DIAPH3: variants seen among roughly 807,000 people sequenced by gnomAD.
The protein encoded by DIAPH3 is diaphanous related formin 3.
Under a neutral mutation model 144.3 loss-of-function variants are expected in DIAPH3, and 117 were observed. That is an observed-to-expected ratio of 0.81 (90% CI 0.70 to 0.95). The LOEUF is 0.95. DIAPH3 is among the 40% of genes least tolerant of loss of function. The pLI is 0.00. For missense variants in DIAPH3, 1,421 were observed against 1,412.7 expected (o/e 1.01, Z -0.09); for synonymous variants, 519 against 488.9 (o/e 1.06, Z -0.81).
chr13:59,834,813 T>C (rs1593603246), intron 23 of DIAPH3, among the ~76,000 whole-genome samples: 1 of 151,726 alleles, frequency 6.6e-6, no homozygotes, highest in South Asian at 2.1e-4. Flanking sequence ...ATAAGCCCAA[T>C]TACTTGATGT....
intron 7 of DIAPH3, 136 bp from the exon 8 acceptor site, chr13:60,010,805 A>G: frequency 1.2e-6 from 1 of 869,328 alleles, no homozygotes; most frequent in African/African-American, 1.7e-5. Flanking sequence ...TAGACTGTGT[A>G]ACACTCTAAA....
chr13:60,123,420 T>C (rs911758460), intron 2 of DIAPH3, among the ~76,000 whole-genome samples: 4 of 152,212 alleles, frequency 2.6e-5, no homozygotes, highest in African/African-American at 9.6e-5. Context: ...CATATTAGTA[T>C]ATTCAACTCT....
intron 9 of DIAPH3, among the ~76,000 whole-genome samples, chr13:59,994,878 T>C (rs1053124752): frequency 6.6e-6 from 1 of 151,734 alleles, no homozygotes; most frequent in African/African-American, 2.4e-5. Context: ...CAACCAGAAA[T>C]AGTGAAAATC....
intron 2 of DIAPH3, among the ~76,000 whole-genome samples, chr13:60,121,136 T>C (rs2058834109): frequency 6.6e-6 from 1 of 152,180 alleles, no homozygotes. Context: ...TATTTTGAAA[T>C]GTCTTCAGTA....
intron 27 of DIAPH3, among the ~76,000 whole-genome samples, chr13:59,677,344 A>T (rs1260800121): frequency 2.0e-5 from 3 of 152,118 alleles, no homozygotes; most frequent in Admixed American, 6.5e-5. Flanking sequence ...GGTACTGTCC[A>T]ATAGAAATTT....
chr13:59,958,207 TAAC>T (rs2049519185), intron 17 of DIAPH3, among the ~76,000 whole-genome samples: 1 of 152,214 alleles, frequency 6.6e-6, no homozygotes, highest in South Asian at 2.1e-4. Flanking sequence ...GCAATTATAA[TAAC>T]ATATATTTTC....
At chr13:59,812,054 A>T (rs1207526611) in intron 24 of DIAPH3, among the ~76,000 whole-genome samples, 3 of 152,178 alleles carry the variant, frequency 2.0e-5, no homozygotes, top group African/African-American at 7.2e-5. Context: ...TGTGTAATTA[A>T]ACTATAACAA....
In DIAPH3 at chr13:59,992,563, G is replaced by C; in HGVS notation, c.1035C>G (p.Ile345Met). The C allele has an allele frequency of 6.2e-7, 1 of 1,611,942 alleles. No homozygotes were observed. Among genetic ancestry groups the C allele is most frequent in the Non-Finnish European group, 8.5e-7 (1 of 1,178,968 alleles). ...CATCAGGAGATGTAACCAGGGCATT[G>C]ATGAGCTGCATACAAGCTACCTACA... ...VQLQVACMQL[I>M]NALVTSPDDL... The change falls in exon 10 of 28, where the codon ATC becomes ATG. Residue 345 changes from isoleucine to methionine, a missense_variant. Coordinates refer to ENST00000400324, the MANE Select transcript of DIAPH3 (RefSeq NM_001042517.2).
At chr13:60,038,835 C>G (rs1594461296) in intron 5 of DIAPH3, among the ~76,000 whole-genome samples, 1 of 151,404 alleles carries the variant, frequency 6.6e-6, no homozygotes, top group East Asian at 1.9e-4. Flanking sequence ...CCTTCTATCA[C>G]TAATTTGCTA....
At position 59,688,442 on chromosome 13, in the gene DIAPH3, C is replaced by T. The variant is rs375342113; in HGVS notation, c.3320-21596G>A. On this transcript the variant is annotated intron_variant, in intron 27 of 27. Transcript: ENST00000400324. ...AAGTGGATCAATTGAACATTTCAAC[C>T]TCACAAGTAAGTCCAAACATAAATG... Among the ~76,000 whole-genome samples, 9 of 151,746 alleles carry T rather than the reference C, an allele frequency of 5.9e-5. No individual in the cohort carries two copies. In the South Asian group the frequency reaches 1.9e-3, roughly 32 times the overall value.
At position 60,020,240 on chromosome 13, in the gene DIAPH3, G is replaced by C. The variant is rs11842241; in HGVS notation, c.627-4095C>G. ...TTTAGGTCTGCTGATAACCAGGCTT[G>C]TGGCCTTTATATATGCAGAAATAAA... On this transcript the variant is annotated intron_variant, in intron 5 of 27. Transcript: ENST00000400324. Among the ~76,000 whole-genome samples the C allele has an allele frequency of 8.8e-3, 1,334 of 152,270 alleles. 16 individuals carry two copies. Among genetic ancestry groups the C allele is most frequent in the African/African-American group, 0.03 (1,263 of 41,536 alleles).
intron 1 of DIAPH3, among the ~76,000 whole-genome samples, chr13:60,161,354 A>G (rs1952280203): frequency 6.6e-6 from 1 of 152,216 alleles, no homozygotes; most frequent in Non-Finnish European, 1.5e-5. Context: ...TGATGGTCTC[A>G]AAGATCCCTC....
At chr13:59,914,271 T>A (rs2047126300) in intron 19 of DIAPH3, among the ~76,000 whole-genome samples, 1 of 152,200 alleles carries the variant, frequency 6.6e-6, no homozygotes, top group South Asian at 2.1e-4. Context: ...AAATAGGAAT[T>A]CTTCGCATTA....
chr13:59,905,782 T>G (rs1180786534), intron 20 of DIAPH3, among the ~76,000 whole-genome samples: 1 of 152,126 alleles, frequency 6.6e-6, no homozygotes, highest in Non-Finnish European at 1.5e-5. Context: ...GTCAGAGCAA[T>G]GCTGAACCAT....
chr13:59,726,993 T>C (rs985193276), intron 27 of DIAPH3, among the ~76,000 whole-genome samples: 1 of 152,192 alleles, frequency 6.6e-6, no homozygotes, highest in Non-Finnish European at 1.5e-5. Flanking sequence ...TTTATAGATA[T>C]TAAAAAACTT....
chr13:59,779,934 G>A (rs550501709), intron 25 of DIAPH3, among the ~76,000 whole-genome samples: 2 of 152,286 alleles, frequency 1.3e-5, no homozygotes, highest in African/African-American at 4.8e-5. Context: ...GTAAGATGGG[G>A]ACATATAAAG....
Position 59,839,324 on chromosome 13 carries a change from G to A in DIAPH3, c.2862C>T (p.Ser954=), listed in dbSNP as rs2042212309. The change falls in exon 23 of 28, where the codon TCC becomes TCT. Residue 954 remains serine (S), a splice_region_variant and synonymous_variant. Transcript: ENST00000400324. ...DLHDKFVTKM[S]RFVISAKEQY... Reference sequence around the variant, plus strand: ...AGTTATTTAGCTATCAAAAGGATATGGACATCTTTGTCACAAACTTGTCAT... The same window carrying A: ...AGTTATTTAGCTATCAAAAGGATATAGACATCTTTGTCACAAACTTGTCAT... 1.9e-6 allele frequency: 3 copies of A among 1,613,206 alleles called. No individual in the cohort carries two copies. The highest frequency in any genetic ancestry group is 2.5e-6 in the Non-Finnish European group (3 of 1,179,530).
chr13:59,815,322 T>C (rs2040709988), intron 24 of DIAPH3, among the ~76,000 whole-genome samples: 1 of 152,190 alleles, frequency 6.6e-6, no homozygotes, highest in Non-Finnish European at 1.5e-5. Flanking sequence ...AGGAATGCCT[T>C]CTGTATCCTT....
intron 17 of DIAPH3, among the ~76,000 whole-genome samples, chr13:59,950,371 C>T (rs1014235543): frequency 6.6e-6 from 1 of 152,130 alleles, no homozygotes; most frequent in Non-Finnish European, 1.5e-5. Context: ...TTTGTTCACA[C>T]TCTTGACTTC....
Sources: gnomAD v4.1 joint callset for allele counts (sites outside exome capture counted in the v4.1 genomes callset) on GRCh38, gnomAD v4.1.1 for gene constraint, MANE v1.5 for transcripts, NCBI Gene and HGNC (gene_info 2026-07-23, HGNC 2026-07-21) for gene names.